Variants in DIAPH2 observed in about 807,000 individuals in gnomAD.
DIAPH2 encodes protein diaphanous homolog 2.
In DIAPH2, 35 loss-of-function variants were observed where a neutral mutation model predicts 92.7. That is an observed-to-expected ratio of 0.38 (90% CI 0.29 to 0.50). The LOEUF (loss-of-function observed/expected upper bound fraction) is 0.50, where lower values mean the gene tolerates loss of function less well. Ranked by LOEUF, DIAPH2 falls within the 20% of genes least tolerant of loss-of-function variation. DIAPH2 has a pLI of 0.94. For synonymous variants in DIAPH2, 301 were observed against 280.4 expected (o/e 1.07, Z -0.73); for missense variants, 701 against 819.5 (o/e 0.86, Z 1.77).
At chrX:97,300,660 C>T (rs1177170738) in intron 23 of DIAPH2, among the ~76,000 whole-genome samples, 1 of 101,919 alleles carries the variant, frequency 9.8e-6, no homozygotes, top group Non-Finnish European at 2.0e-5. Flanking sequence ...CGGCCGGGCG[C>T]GGTGGCTCAC....
chrX:97,099,106 A>G (rs1372656841), intron 19 of DIAPH2, among the ~76,000 whole-genome samples: 1 of 112,125 alleles, frequency 8.9e-6, no homozygotes, highest in Non-Finnish European at 1.9e-5. Flanking sequence ...CAAATTCTAC[A>G]TAGTATTTTT....
chrX:96,820,668 G>A (rs939381841), intron 4 of DIAPH2, among the ~76,000 whole-genome samples: 3 of 111,721 alleles, frequency 2.7e-5, no homozygotes, highest in Non-Finnish European at 5.6e-5. Flanking sequence ...TGAACACTTA[G>A]TATATGACAG....
chrX:97,392,567 C>T (rs1001696922), intron 25 of DIAPH2, among the ~76,000 whole-genome samples: 2 of 111,571 alleles, frequency 1.8e-5, no homozygotes, highest in African/African-American at 6.5e-5. Flanking sequence ...AAGCTAGACC[C>T]TGAAGGATGG....
intron 15 of DIAPH2, 130 bp from the exon 16 acceptor site, chrX:96,957,698 A>C (rs2065820494): frequency 3.9e-6 from 2 of 512,903 alleles, no homozygotes; most frequent in African/African-American, 2.4e-5. Flanking sequence ...ATATTTTAGT[A>C]ATATCTAAAA....
At chrX:96,832,844 T>C (rs2064863998) in intron 4 of DIAPH2, among the ~76,000 whole-genome samples, 1 of 111,786 alleles carries the variant, frequency 8.9e-6, no homozygotes, top group African/African-American at 3.2e-5. Context: ...AAGTAAGATA[T>C]AAAATTATTT....
chrX:96,929,303 C>T (rs1202505035), intron 9 of DIAPH2, among the ~76,000 whole-genome samples: 2 of 111,457 alleles, frequency 1.8e-5, no homozygotes, highest in Non-Finnish European at 3.8e-5. Context: ...AAGCTTCATA[C>T]TAACTTATCT....
chrX:96,753,199 G>A (rs750428709), intron 3 of DIAPH2, among the ~76,000 whole-genome samples: 1 of 111,919 alleles, frequency 8.9e-6, no homozygotes, highest in South Asian at 3.8e-4. Context: ...GCGGATTGAT[G>A]ATAACCACAT....
intron 22 of DIAPH2, among the ~76,000 whole-genome samples, chrX:97,229,890 T>C (rs1393688128): frequency 9.5e-6 from 1 of 105,663 alleles, no homozygotes; most frequent in African/African-American, 3.4e-5. Context: ...GTAATATTGT[T>C]ATTATATATG....
chrX:97,331,546 C>CA (rs2069001691), intron 23 of DIAPH2, among the ~76,000 whole-genome samples: 1 of 111,877 alleles, frequency 8.9e-6, no homozygotes, highest in Admixed American at 9.5e-5. Flanking sequence ...GTATTGTCTG[C>CA]AAAAAAATTT....
intron 26 of DIAPH2, among the ~76,000 whole-genome samples, chrX:97,522,274 A>G (rs5921843): frequency 0.028 from 3,090 of 111,940 alleles, 35 homozygotes; most frequent in Middle Eastern, 0.041. Context: ...GTTACTCTCT[A>G]TACAGAACTT....
chrX:96,722,738 C>G (rs1166108403), intron 1 of DIAPH2, among the ~76,000 whole-genome samples: 2 of 111,469 alleles, frequency 1.8e-5, no homozygotes, highest in African/African-American at 6.5e-5. Flanking sequence ...AATTATCGCA[C>G]TATGATAAAT....
chrX:97,382,873 G>C (rs1011521585), intron 24 of DIAPH2, among the ~76,000 whole-genome samples: 2 of 112,236 alleles, frequency 1.8e-5, no homozygotes, highest in African/African-American at 6.5e-5. Context: ...CCTTGTAGAC[G>C]TATTCTCGTT....
chrX:97,420,878 A>G (rs1180615130), intron 25 of DIAPH2, among the ~76,000 whole-genome samples: 1 of 111,944 alleles, frequency 8.9e-6, no homozygotes, highest in Non-Finnish European at 1.9e-5. Flanking sequence ...ATAGAACTTT[A>G]TACTTTCTAT....
rs1473421663 is a variant in DIAPH2 at position 96,918,868 on chromosome X, G to A, written c.978+251G>A. ...TTAGTAATTAATGTAATAAACCAGG[G>A]AAATTGAAGCCTCAGCAGTAACTAA... On this transcript the variant is annotated intron_variant, in intron 9 of 26. Transcript: ENST00000324765. Among the ~76,000 whole-genome samples the A allele has an allele frequency of 3.6e-5, 4 of 112,066 alleles. No homozygotes were observed. In the Admixed American group the frequency reaches 3.8e-4, roughly 11 times the overall value.
chrX:97,029,214 C>A (rs12007084), intron 17 of DIAPH2, among the ~76,000 whole-genome samples: 2,805 of 106,342 alleles, frequency 0.026, 97 homozygotes, highest in African/African-American at 0.091. Context: ...GTGGCACAAC[C>A]TTGGCTCACT....
chrX:97,082,549 T>C (rs1478462376), intron 19 of DIAPH2, among the ~76,000 whole-genome samples: 1 of 110,398 alleles, frequency 9.1e-6, no homozygotes. Flanking sequence ...GGAGAATCGC[T>C]TGAACCTGGG....
chrX:96,689,302 A>T (rs1325493466), intron 1 of DIAPH2, among the ~76,000 whole-genome samples: 1 of 102,245 alleles, frequency 9.8e-6, no homozygotes, highest in Non-Finnish European at 2.0e-5. Context: ...TCTTTCTGAA[A>T]GTAGGGGTAA....
At chrX:96,853,543 C>T (rs1306265641) in intron 4 of DIAPH2, among the ~76,000 whole-genome samples, 5 of 111,261 alleles carry the variant, frequency 4.5e-5, no homozygotes, top group African/African-American at 1.6e-4. Context: ...TCTGCTGGTT[C>T]TCACATTAAA....
At chrX:96,847,804 C>T (rs1219924582) in intron 4 of DIAPH2, among the ~76,000 whole-genome samples, 1 of 110,559 alleles carries the variant, frequency 9.0e-6, no homozygotes, top group Non-Finnish European at 1.9e-5. Flanking sequence ...TCAAGTAGGC[C>T]CCCTTGTCTG....
Sources: gnomAD v4.1 joint callset for allele counts (sites outside exome capture counted in the v4.1 genomes callset) on GRCh38, gnomAD v4.1.1 for gene constraint, MANE v1.5 for transcripts, NCBI Gene and HGNC (gene_info 2026-07-23, HGNC 2026-07-21) for gene names.